GALNT13: variants seen among roughly 807,000 people sequenced by gnomAD.
GALNT13 encodes the protein UDP-GalNAc:polypeptide N-acetylgalactosaminyltransferase 13.
GALNT13 carries 28 observed loss-of-function variants against 64.2 expected under a neutral mutation model. That is an observed-to-expected ratio of 0.44 (90% CI 0.32 to 0.60). The LOEUF is 0.60. GALNT13 is among the 20% of genes least tolerant of loss of function. The pLI is 0.05. For synonymous variants in GALNT13, 214 were observed against 224.6 expected, an observed-to-expected ratio of 0.95 and a Z score of 0.42; for missense variants, 577 against 669.8, an observed-to-expected ratio of 0.86 and a Z score of 1.53.
the GALNT13 span, among the ~76,000 whole-genome samples, chr2:153,649,676 A>G: frequency 6.6e-6 from 1 of 152,128 alleles, no homozygotes; most frequent in African/African-American, 2.4e-5. Context: ...CTTTGTTCTC[A>G]TTGGATTCAA....
intron 4 of GALNT13, among the ~76,000 whole-genome samples, chr2:154,183,518 C>G (rs1279109831): frequency 6.6e-6 from 1 of 151,956 alleles, no homozygotes; most frequent in Non-Finnish European, 1.5e-5. Flanking sequence ...CAAGACAAGC[C>G]TGGGCAACAT....
intron 2 of GALNT13, among the ~76,000 whole-genome samples, chr2:153,920,525 A>C (rs1045423040): frequency 1.3e-5 from 2 of 152,148 alleles, no homozygotes; most frequent in African/African-American, 4.8e-5. Flanking sequence ...AAAACTGTAA[A>C]AACCCTGGAA....
chr2:153,577,510 T>A, the GALNT13 span, among the ~76,000 whole-genome samples: 1 of 152,118 alleles, frequency 6.6e-6, no homozygotes, highest in Admixed American at 6.6e-5. Flanking sequence ...TATATAAGTA[T>A]CAATGTTAGG....
the GALNT13 span, among the ~76,000 whole-genome samples, chr2:153,520,116 T>C: frequency 6.6e-6 from 1 of 152,168 alleles, no homozygotes; most frequent in African/African-American, 2.4e-5. Context: ...CCTGTCTTAC[T>C]AGAAAAAAAA....
the GALNT13 span, among the ~76,000 whole-genome samples, chr2:153,129,595 A>C: frequency 2.0e-5 from 3 of 152,152 alleles, no homozygotes; most frequent in African/African-American, 4.8e-5. Context: ...TAACATAGTG[A>C]AACCCTGTCT....
At chr2:153,205,658 A>T in the GALNT13 span, among the ~76,000 whole-genome samples, 3 of 152,200 alleles carry the variant, frequency 2.0e-5, no homozygotes, top group Middle Eastern at 6.8e-3. Flanking sequence ...ATTCTACTTC[A>T]TTCCAATAAG....
At chr2:154,389,943 G>A (rs986373517) in intron 9 of GALNT13, among the ~76,000 whole-genome samples, 2 of 152,144 alleles carry the variant, frequency 1.3e-5, no homozygotes, top group Non-Finnish European at 2.9e-5. Flanking sequence ...CTGTCCAGAT[G>A]CAGTGATCTG....
chr2:153,081,986 C>T, the GALNT13 span, among the ~76,000 whole-genome samples: 1 of 152,132 alleles, frequency 6.6e-6, no homozygotes, highest in Non-Finnish European at 1.5e-5. Flanking sequence ...ACATTCCCAC[C>T]AACAGTGTAC....
At chr2:154,031,891 G>T (rs996588005) in intron 3 of GALNT13, among the ~76,000 whole-genome samples, 8 of 151,714 alleles carry the variant, frequency 5.3e-5, no homozygotes, top group African/African-American at 1.9e-4. Context: ...GAAGACCTGA[G>T]CAACACAATA....
the GALNT13 span, among the ~76,000 whole-genome samples, chr2:153,418,715 G>A: frequency 1.3e-5 from 2 of 152,172 alleles, no homozygotes; most frequent in Non-Finnish European, 2.9e-5. Context: ...GAGGGTAGCC[G>A]GGCATGGTGG....
chr2:153,837,529 T>C, the GALNT13 span, among the ~76,000 whole-genome samples: 2 of 152,126 alleles, frequency 1.3e-5, no homozygotes, highest in Non-Finnish European at 1.5e-5. Flanking sequence ...TTCTGGCTTA[T>C]TCCACTTAGC....
chr2:154,058,187 C>G (rs1041327573), intron 3 of GALNT13, among the ~76,000 whole-genome samples: 4 of 152,088 alleles, frequency 2.6e-5, no homozygotes, highest in Admixed American at 6.5e-5. Context: ...TACTCTCTCT[C>G]AACCATGTGA....
the GALNT13 span, among the ~76,000 whole-genome samples, chr2:153,550,787 T>A: frequency 6.6e-6 from 1 of 152,298 alleles, no homozygotes; most frequent in African/African-American, 2.4e-5. Context: ...ATTAGATAAG[T>A]AAGTTAAATA....
At chr2:153,406,405 AT>A in the GALNT13 span, among the ~76,000 whole-genome samples, 8 of 150,786 alleles carry the variant, frequency 5.3e-5, no homozygotes, top group Admixed American at 2.0e-4. Context: ...TAAATTCTCT[AT>A]TTTTTTTTCT....
At chr2:153,577,219 C>A in the GALNT13 span, among the ~76,000 whole-genome samples, 1 of 152,054 alleles carries the variant, frequency 6.6e-6, no homozygotes, top group African/African-American at 2.4e-5. Context: ...TAAATTATTA[C>A]CTTTCTTATT....
At chr2:153,671,469 A>G in the GALNT13 span, among the ~76,000 whole-genome samples, 1 of 152,240 alleles carries the variant, frequency 6.6e-6, no homozygotes, top group African/African-American at 2.4e-5. Flanking sequence ...TAAGTGAAGG[A>G]GAAATAAAAT....
chr2:153,644,137 T>C, the GALNT13 span, among the ~76,000 whole-genome samples: 1 of 152,054 alleles, frequency 6.6e-6, no homozygotes, highest in African/African-American at 2.4e-5. Flanking sequence ...GTGATATGAT[T>C]GCTTAAATAG....
chr2:154,288,951 CTG>C (rs752707683), intron 8 of GALNT13, among the ~76,000 whole-genome samples: 5 of 152,224 alleles, frequency 3.3e-5, no homozygotes, highest in Admixed American at 6.5e-5. Context: ...AGGGGGGACT[CTG>C]TGTGGGGGCT....
chr2:153,869,110 T>C (rs1685809434), upstream of GALNT13, among the ~76,000 whole-genome samples: 2 of 152,204 alleles, frequency 1.3e-5, no homozygotes, highest in African/African-American at 2.4e-5. Flanking sequence ...TAGGTATTTC[T>C]GGACCTTACA....
Sources: gnomAD v4.1 joint callset for allele counts (sites outside exome capture counted in the v4.1 genomes callset) on GRCh38, gnomAD v4.1.1 for gene constraint, MANE v1.5 for transcripts, NCBI Gene and HGNC (gene_info 2026-07-23, HGNC 2026-07-21) for gene names.